PLCH1: variants seen among roughly 807,000 people sequenced by gnomAD.
PLCH1 encodes phospholipase C eta 1.
Under a neutral mutation model 126.7 loss-of-function variants are expected in PLCH1, and 60 were observed. The ratio of observed to expected loss-of-function variants is 0.47; its 90% CI spans 0.38 to 0.59. The LOEUF is 0.59. Among genes scored for constraint, PLCH1 ranks in the 20% least tolerant of loss-of-function variants. The pLI, the probability that PLCH1 is intolerant of heterozygous loss-of-function variation, is 0.00. For missense variants in PLCH1, 1,723 were observed against 2,040.0 expected (o/e 0.84, Z 2.99); for synonymous variants, 719 against 734.9 (o/e 0.98, Z 0.35).
At chr3:155,543,124 A>C (rs1724619861) in intron 10 of PLCH1, among the ~76,000 whole-genome samples, 1 of 152,228 alleles carries the variant, frequency 6.6e-6, no homozygotes, top group South Asian at 2.1e-4. Context: ...AAAGGCAAAG[A>C]AGTTGAAAAC....
At chr3:155,483,474 T>C in intron 22 of PLCH1, 1 of 637,636 alleles carries the variant, frequency 1.6e-6, no homozygotes, top group Non-Finnish European at 2.5e-6. Context: ...TTCAAAGTTA[T>C]ACATGTATTA....
chr3:155,715,593 C>G (rs1747440910), intron 1 of PLCH1, among the ~76,000 whole-genome samples: 1 of 151,320 alleles, frequency 6.6e-6, no homozygotes. Flanking sequence ...GAATGAGCCA[C>G]CACATCTGGC....
chr3:155,554,126 G>C lies in PLCH1; in HGVS notation c.1140C>G (p.Leu380=). The part of the protein sequence containing the change: ...HHGYTLTSKI[L]FRDVVETINK... ...TGATGGTCTCCACAACATCTCTGAA[G>C]AGAATTTTTGAAGTGAGAGTGTAAC... The change falls in exon 9 of 23, where the codon CTC becomes CTG. Residue 380 remains leucine (L), a synonymous_variant. Transcript: ENST00000460012. 1 of 1,613,862 alleles carries C rather than the reference G, an allele frequency of 6.2e-7. No homozygotes were observed. Among genetic ancestry groups the C allele is most frequent in the Non-Finnish European group, 8.5e-7 (1 of 1,179,820 alleles).
At chr3:155,597,727 A>C (rs1327470088) in intron 2 of PLCH1, among the ~76,000 whole-genome samples, 1 of 152,206 alleles carries the variant, frequency 6.6e-6, no homozygotes, top group Non-Finnish European at 1.5e-5. Context: ...AACATAACAA[A>C]TGTTCACAAT....
Position 155,539,146 on chromosome 3 carries a change from AC to A in PLCH1, c.1362+10640del, listed in dbSNP as rs1723867475. ...ATATACCACATAAACAGAATCAAAA[AC>A]AAAAATCACATGATCATCTCAATAG... On this transcript the variant is annotated intron_variant, in intron 10 of 22. Coordinates refer to ENST00000460012, the MANE Select transcript of PLCH1 (RefSeq NM_014996.4). 3.9e-5 allele frequency among the ~76,000 whole-genome samples: 6 copies of A among 152,272 alleles called. No homozygotes were observed. In the South Asian group the frequency reaches 1.2e-3, roughly 32 times the overall value.
intron 6 of PLCH1, among the ~76,000 whole-genome samples, chr3:155,570,875 T>C (rs1023446015): frequency 3.9e-5 from 6 of 152,200 alleles, no homozygotes; most frequent in Non-Finnish European, 8.8e-5. Flanking sequence ...TCCTAAATCA[T>C]TTCTTTACTT....
intron 2 of PLCH1, among the ~76,000 whole-genome samples, chr3:155,617,839 A>C (rs1047916234): frequency 1.3e-5 from 2 of 152,162 alleles, no homozygotes; most frequent in African/African-American, 4.8e-5. Context: ...CAGGAGTCCT[A>C]ACCTGTGGTA....
intron 2 of PLCH1, among the ~76,000 whole-genome samples, chr3:155,637,355 A>C (rs1454844448): frequency 6.6e-6 from 1 of 152,250 alleles, no homozygotes; most frequent in African/African-American, 2.4e-5. Context: ...TCAAGTAAAA[A>C]GGAATTCGAA....
At chr3:155,589,900 TATC>T (rs1364294478) in intron 4 of PLCH1, among the ~76,000 whole-genome samples, 1 of 152,188 alleles carries the variant, frequency 6.6e-6, no homozygotes, top group Non-Finnish European at 1.5e-5. Context: ...ACACTGTCAT[TATC>T]ATCATCACCA....
intron 2 of PLCH1, among the ~76,000 whole-genome samples, chr3:155,607,366 T>A (rs1331955287): frequency 6.6e-6 from 1 of 152,170 alleles, no homozygotes; most frequent in East Asian, 1.9e-4. Context: ...TTAAATAATA[T>A]ATTTTGTCAA....
chr3:155,525,418 A>T (rs1721769517), intron 10 of PLCH1, among the ~76,000 whole-genome samples: 1 of 152,126 alleles, frequency 6.6e-6, no homozygotes, highest in South Asian at 2.1e-4. Flanking sequence ...CCCTCACCAG[A>T]CGCCAAATCT....
chr3:155,589,039 G>C (rs1021750812), intron 4 of PLCH1, among the ~76,000 whole-genome samples: 1 of 152,062 alleles, frequency 6.6e-6, no homozygotes, highest in African/African-American at 2.4e-5. Flanking sequence ...ATAATTTATA[G>C]CCACACCATA....
chr3:155,565,536 A>G (rs2108512984), intron 7 of PLCH1, among the ~76,000 whole-genome samples: 1 of 152,142 alleles, frequency 6.6e-6, no homozygotes, highest in East Asian at 1.9e-4. Flanking sequence ...ACCTTCTACC[A>G]TGAGTAAAAG....
chr3:155,667,495 A>G (rs774961756), intron 2 of PLCH1, among the ~76,000 whole-genome samples: 11 of 152,210 alleles, frequency 7.2e-5, no homozygotes, highest in Non-Finnish European at 1.3e-4. Context: ...TCAGGAATAA[A>G]TAAGTTCAGG....
intron 1 of PLCH1, among the ~76,000 whole-genome samples, chr3:155,709,322 G>A (rs549631358): frequency 6.6e-6 from 1 of 152,196 alleles, no homozygotes; most frequent in Non-Finnish European, 1.5e-5. Context: ...GGACTGTGTG[G>A]TAAGAGTATG....
intron 1 of PLCH1, among the ~76,000 whole-genome samples, chr3:155,731,951 C>T (rs1748800255): frequency 7.3e-6 from 1 of 136,606 alleles, no homozygotes; most frequent in Admixed American, 8.0e-5. Flanking sequence ...CCACTGCACT[C>T]TATCCAGCCT....
chr3:155,738,086 T>A (rs568813403), intron 1 of PLCH1, among the ~76,000 whole-genome samples: 33 of 152,230 alleles, frequency 2.2e-4, no homozygotes, highest in Admixed American at 1.4e-3. Context: ...AGTTTGTAAG[T>A]CTCTTGCTCA....
At chr3:155,546,253 C>G (rs1320399206) in intron 10 of PLCH1, among the ~76,000 whole-genome samples, 1 of 152,136 alleles carries the variant, frequency 6.6e-6, no homozygotes, top group Non-Finnish European at 1.5e-5. Flanking sequence ...AACAGACAAA[C>G]AGAGAGCCAA....
chr3:155,634,913 A>C (rs1361693705), intron 2 of PLCH1, among the ~76,000 whole-genome samples: 1 of 152,162 alleles, frequency 6.6e-6, no homozygotes, highest in African/African-American at 2.4e-5. Flanking sequence ...TCCATATGGC[A>C]AGAGTGGTTC....
Sources: allele counts gnomAD v4.1 joint callset (sites outside exome capture counted in the v4.1 genomes callset), GRCh38; gene constraint gnomAD v4.1.1; transcripts MANE v1.5; gene names NCBI Gene and HGNC (gene_info 2026-07-23, HGNC 2026-07-21).